Variants in ITGBL1 observed in about 807,000 individuals in gnomAD.
The protein encoded by ITGBL1 is integrin subunit beta like 1.
ITGBL1 carries 51 observed loss-of-function variants against 68.5 expected under a neutral mutation model. The observed-to-expected ratio is 0.74, with a 90% CI of 0.59 to 0.94. ITGBL1 has a LOEUF of 0.94. ITGBL1 is among the 40% of genes least tolerant of loss of function. ITGBL1 has a pLI of 0.00. For missense variants in ITGBL1, 649 were observed against 647.4 expected (o/e 1.00, Z -0.03); for synonymous variants, 209 against 227.3 (o/e 0.92, Z 0.72).
At position 101,560,511 on chromosome 13, in the gene ITGBL1, A is replaced by C. The variant is rs550060157; in HGVS notation, c.317-7188A>C. ...ATTGTTGCCAGTAATAATCATGAAGAGATAATTAACAATCAGATTTTTAAA... is the reference window on the plus strand; with the variant it reads ...ATTGTTGCCAGTAATAATCATGAAGCGATAATTAACAATCAGATTTTTAAA... On this transcript the variant is annotated intron_variant, in intron 2 of 10. Transcript: ENST00000376180. Among the ~76,000 whole-genome samples, 70 of 152,322 alleles carry C rather than the reference A, an allele frequency of 4.6e-4. 1 individual carries two copies. The South Asian group carries it at 0.014, about 31-fold the overall frequency.
chr13:101,719,173 T>TCTAA (rs1215418767), downstream of ITGBL1: 17 of 152,174 alleles, frequency 1.1e-4, no homozygotes, highest in East Asian at 3.9e-4. Flanking sequence ...GTGATACGTG[T>TCTAA]CTAACTTACT....
intron 2 of ITGBL1, among the ~76,000 whole-genome samples, chr13:101,463,042 T>C (rs1204930675): frequency 6.6e-6 from 1 of 152,156 alleles, no homozygotes; most frequent in Non-Finnish European, 1.5e-5. Context: ...CTCTGTTTCC[T>C]TATGGTTGAA....
intron 2 of ITGBL1, among the ~76,000 whole-genome samples, chr13:101,487,719 A>G (rs114480244): frequency 7.9e-5 from 12 of 152,336 alleles, no homozygotes; most frequent in African/African-American, 2.4e-4. Flanking sequence ...GCTCAGATAT[A>G]CTGGCAGCAC....
intron 7 of ITGBL1, among the ~76,000 whole-genome samples, chr13:101,610,919 T>C (rs2031097268): frequency 6.6e-6 from 1 of 152,100 alleles, no homozygotes; most frequent in Non-Finnish European, 1.5e-5. Flanking sequence ...AGATGAGTAG[T>C]AGCATTAGGC....
chr13:101,476,104 T>G (rs537940200), intron 2 of ITGBL1, among the ~76,000 whole-genome samples: 1 of 152,250 alleles, frequency 6.6e-6, no homozygotes, highest in East Asian at 1.9e-4. Context: ...GTAGAAAGAC[T>G]AAAAGATGAA....
intron 9 of ITGBL1, among the ~76,000 whole-genome samples, chr13:101,709,384 A>AAAG (rs2034353053): frequency 1.3e-5 from 2 of 148,950 alleles, no homozygotes; most frequent in Admixed American, 6.7e-5. Context: ...AAAAAAAAAA[A>AAAG]AAAAAAAAAA....
chr13:101,569,143 A>G (rs1467761273), intron 3 of ITGBL1, among the ~76,000 whole-genome samples: 1 of 150,378 alleles, frequency 6.6e-6, no homozygotes, highest in Non-Finnish European at 1.5e-5. Context: ...CGCATGCCCC[A>G]TAGCGTCTTT....
At chr13:101,575,734 G>A (rs1390532209) in intron 4 of ITGBL1, among the ~76,000 whole-genome samples, 188 bp downstream of exon 4, 1 of 152,074 alleles carries the variant, frequency 6.6e-6, no homozygotes, top group Non-Finnish European at 1.5e-5. Context: ...GTACTTTTTA[G>A]ATGCAAAGCC....
chr13:101,666,656 A>G (rs7993068), intron 7 of ITGBL1, among the ~76,000 whole-genome samples: 69,795 of 152,008 alleles, frequency 0.46, 17,375 homozygotes, highest in East Asian at 0.86. Context: ...ATGATTTAGC[A>G]ATTTTATGTT....
At chr13:101,642,854 G>A (rs1380821706) in intron 7 of ITGBL1, among the ~76,000 whole-genome samples, 1 of 151,816 alleles carries the variant, frequency 6.6e-6, no homozygotes, top group Non-Finnish European at 1.5e-5. Context: ...TCTCAGGTTT[G>A]TCAAAGATCA....
chr13:101,698,558 T>C (rs2139569274), intron 8 of ITGBL1, among the ~76,000 whole-genome samples: 1 of 152,356 alleles, frequency 6.6e-6, no homozygotes, highest in South Asian at 2.1e-4. Flanking sequence ...AATTAACTTG[T>C]GAGTCATGTT....
rs185293941 is a variant in ITGBL1, at chr13:101,549,716, G to T, written c.317-17983G>T. The stretch of plus-strand genomic sequence containing the variant: ...TCTTATTCACAGTTGACACATGTCA[G>T]TGAAAATATCCAGTATAATTTTCAG... On this transcript the variant is annotated intron_variant, in intron 2 of 10. Coordinates refer to ENST00000376180, the MANE Select transcript of ITGBL1 (RefSeq NM_004791.3). Among the ~76,000 whole-genome samples the T allele has an allele frequency of 3.1e-3, 469 of 152,066 alleles. 2 individuals are homozygous for T. Among genetic ancestry groups the T allele is most frequent in the Non-Finnish European group, 4.6e-3 (311 of 67,914 alleles).
chr13:101,598,384 G>GT, intron 7 of ITGBL1, 85 bp downstream of exon 7: 1 of 1,140,240 alleles, frequency 8.8e-7, no homozygotes, highest in Non-Finnish European at 1.1e-6. Flanking sequence ...TTGTTTGTTT[G>GT]TTTGTTTTTT....
chr13:101,695,292 A>G (rs887471388), intron 8 of ITGBL1, among the ~76,000 whole-genome samples: 1 of 152,162 alleles, frequency 6.6e-6, no homozygotes, highest in African/African-American at 2.4e-5. Flanking sequence ...GTACAGTCAG[A>G]GAGCAGCTTG....
chr13:101,489,976 G>T, intron 2 of ITGBL1: 1 of 1,506,788 alleles, frequency 6.6e-7, no homozygotes, highest in Non-Finnish European at 8.9e-7. Context: ...GAACTTAGTT[G>T]CAGTGATGGG....
chr13:101,678,235 G>C (rs966235973), intron 7 of ITGBL1, among the ~76,000 whole-genome samples: 54 of 152,112 alleles, frequency 3.6e-4, no homozygotes, highest in African/African-American at 1.3e-3. Flanking sequence ...TCTTTCTAAT[G>C]TCTGCGACTT....
intron 2 of ITGBL1, among the ~76,000 whole-genome samples, chr13:101,487,718 T>C (rs2048720703): frequency 6.6e-6 from 1 of 152,220 alleles, no homozygotes; most frequent in South Asian, 2.1e-4. Context: ...TGCTCAGATA[T>C]ACTGGCAGCA....
intron 9 of ITGBL1, chr13:101,710,767 C>T (rs1001875834): frequency 3.3e-5 from 5 of 152,174 alleles, no homozygotes; most frequent in African/African-American, 9.7e-5. Flanking sequence ...GAAACGTGCA[C>T]TTCCCATGAG....
chr13:101,462,044 T>C (rs538796527), intron 2 of ITGBL1, among the ~76,000 whole-genome samples: 2 of 152,244 alleles, frequency 1.3e-5, no homozygotes, highest in South Asian at 4.1e-4. Context: ...AAGACTGTGG[T>C]CCCCAGTTCC....
Sources: gnomAD v4.1 joint callset for allele counts (sites outside exome capture counted in the v4.1 genomes callset) on GRCh38, gnomAD v4.1.1 for gene constraint, MANE v1.5 for transcripts, NCBI Gene and HGNC (gene_info 2026-07-23, HGNC 2026-07-21) for gene names.